Variants in NCAM1 observed in about 807,000 individuals in gnomAD.
The protein encoded by NCAM1 is antigen recognized by monoclonal antibody 5.1H11.
In NCAM1, 14 loss-of-function variants were observed where a neutral mutation model predicts 109.8. That is an observed-to-expected ratio of 0.13 (90% confidence interval 0.08 to 0.20). NCAM1 has a LOEUF of 0.20. Among genes scored for constraint, NCAM1 ranks in the 10% least tolerant of loss-of-function variants. The pLI is 1.00. For missense variants in NCAM1, 774 were observed against 1,109.9 expected (o/e 0.70, Z 4.30); for synonymous variants, 418 against 442.9 (o/e 0.94, Z 0.70).
intron 1 of NCAM1, among the ~76,000 whole-genome samples, chr11:113,199,690 G>A (rs896845823): frequency 4.0e-5 from 6 of 151,642 alleles, no homozygotes; most frequent in African/African-American, 1.5e-4. Context: ...GCTAAATGAC[G>A]AGTTAATGGG....
intron 16 of NCAM1, among the ~76,000 whole-genome samples, chr11:113,258,061 C>T (rs1403849750): frequency 6.6e-6 from 1 of 152,236 alleles, no homozygotes; most frequent in Admixed American, 6.5e-5. Flanking sequence ...CTCATCCAGC[C>T]TTAGCCATGG....
intron 1 of NCAM1, among the ~76,000 whole-genome samples, chr11:113,127,505 T>A (rs1591350011): frequency 6.6e-6 from 1 of 152,216 alleles, no homozygotes; most frequent in East Asian, 1.9e-4. Flanking sequence ...AAGATTATAA[T>A]GGAAGTATAA....
At chr11:113,220,998 T>C (rs1312495627) in intron 8 of NCAM1, among the ~76,000 whole-genome samples, 4 of 152,188 alleles carry the variant, frequency 2.6e-5, no homozygotes, top group Non-Finnish European at 5.9e-5. Flanking sequence ...TAAGGTATTT[T>C]GGAACAAGAG....
At position 113,095,315 on chromosome 11, in the gene NCAM1, C is replaced by CGTGTGTGTGTGT. The variant is rs147958488; in HGVS notation, c.53-107059_53-107048dup. ...GCACTGACCTTGCTGTAATAGAATG[C>CGTGTGTGTGTGT]GTGTGTGTGTGTGTGTATATGTATG... On this transcript the variant is annotated intron_variant, in intron 1 of 19. Coordinates refer to ENST00000316851, the MANE Select transcript of NCAM1 (RefSeq NM_181351.5). Among the ~76,000 whole-genome samples, 93 of 151,236 alleles carry CGTGTGTGTGTGT rather than the reference C, an allele frequency of 6.1e-4. 1 individual carries two copies. The East Asian group carries it at 7.4e-3, about 12-fold the overall frequency.
intron 1 of NCAM1, among the ~76,000 whole-genome samples, chr11:113,022,771 C>G (rs55677027): frequency 3.9e-5 from 6 of 152,128 alleles, no homozygotes; most frequent in African/African-American, 1.4e-4. Context: ...ACCATGTGAT[C>G]GGGGAACCAG....
intron 7 of NCAM1, among the ~76,000 whole-genome samples, 199 bp downstream of exon 7, chr11:113,208,201 TG>T (rs1555113214): frequency 6.6e-6 from 1 of 152,206 alleles, no homozygotes; most frequent in Non-Finnish European, 1.5e-5. Flanking sequence ...GTCTCATAGC[TG>T]GCCTCCCCGA....
At chr11:113,180,731 C>T (rs782475194) in intron 1 of NCAM1, among the ~76,000 whole-genome samples, 1 of 152,234 alleles carries the variant, frequency 6.6e-6, no homozygotes, top group East Asian at 1.9e-4. Context: ...TGGCATAGTA[C>T]AAGAGAAAGG....
At chr11:112,981,888 T>C (rs1198933155) in intron 1 of NCAM1, among the ~76,000 whole-genome samples, 3 of 151,932 alleles carry the variant, frequency 2.0e-5, no homozygotes, top group African/African-American at 7.2e-5. Context: ...TCAAATAAAA[T>C]TAGTTGTTGT....
intron 14 of NCAM1, among the ~76,000 whole-genome samples, chr11:113,236,034 G>A (rs1215001744): frequency 1.3e-5 from 2 of 152,168 alleles, no homozygotes; most frequent in Admixed American, 6.5e-5. Flanking sequence ...ATGCACCTGG[G>A]AGAATCCTTT....
intron 17 of NCAM1, chr11:113,265,127 G>A (rs1555124189): frequency 1.0e-6 from 1 of 985,358 alleles, no homozygotes; most frequent in Middle Eastern, 5.2e-4. Flanking sequence ...ACATTGTTGT[G>A]TAGATAATCA....
chr11:113,180,398 G>A (rs55799220), intron 1 of NCAM1, among the ~76,000 whole-genome samples: 1,663 of 152,360 alleles, frequency 0.011, 27 homozygotes, highest in African/African-American at 0.037. Flanking sequence ...TTCTTGGGAA[G>A]CATTAGCTGC....
At chr11:113,259,600 G>A (rs963604065) in intron 16 of NCAM1, among the ~76,000 whole-genome samples, 18 of 152,084 alleles carry the variant, frequency 1.2e-4, no homozygotes, top group Non-Finnish European at 1.9e-4. Flanking sequence ...ATGCCACACT[G>A]GCATCTGCTG....
chr11:113,013,904 T>C (rs554366549), intron 1 of NCAM1, among the ~76,000 whole-genome samples: 2 of 152,234 alleles, frequency 1.3e-5, no homozygotes, highest in Non-Finnish European at 2.9e-5. Flanking sequence ...TTTGGCATAT[T>C]GCCCAAGATT....
intron 1 of NCAM1, among the ~76,000 whole-genome samples, chr11:113,105,709 A>G (rs1342048585): frequency 3.9e-5 from 6 of 152,234 alleles, no homozygotes; most frequent in Non-Finnish European, 8.8e-5. Context: ...GATGTCCATA[A>G]TAGGCTACTC....
chr11:112,979,604 C>T (rs1251827930), intron 1 of NCAM1, among the ~76,000 whole-genome samples: 2 of 151,692 alleles, frequency 1.3e-5, no homozygotes, highest in Admixed American at 6.6e-5. Context: ...TGACTCAGGT[C>T]GACTGGAATC....
chr11:113,208,180 G>T (rs1440496866), intron 7 of NCAM1, among the ~76,000 whole-genome samples, 178 bp downstream of exon 7: 2 of 152,080 alleles, frequency 1.3e-5, no homozygotes, highest in Admixed American at 1.3e-4. Context: ...CCTCACCTGA[G>T]CAGTGGGACG....
At chr11:113,053,673 C>T (rs1436563703) in intron 1 of NCAM1, among the ~76,000 whole-genome samples, 1 of 152,148 alleles carries the variant, frequency 6.6e-6, no homozygotes, top group Non-Finnish European at 1.5e-5. Flanking sequence ...CTAAACTTTT[C>T]CCAGTACGAA....
intron 16 of NCAM1, among the ~76,000 whole-genome samples, chr11:113,258,687 G>A (rs1461638005): frequency 6.6e-6 from 1 of 152,064 alleles, no homozygotes; most frequent in Admixed American, 6.5e-5. Context: ...TTAAGGTGAT[G>A]GATATTTCAA....
intron 1 of NCAM1, among the ~76,000 whole-genome samples, chr11:112,977,981 T>C (rs561394090): frequency 5.8e-4 from 88 of 151,870 alleles, no homozygotes; most frequent in Non-Finnish European, 9.7e-4. Flanking sequence ...GGAGAATTAG[T>C]GCAGTGTTTT....
Sources: gnomAD v4.1 joint callset for allele counts (sites outside exome capture counted in the v4.1 genomes callset) on GRCh38, gnomAD v4.1.1 for gene constraint, MANE v1.5 for transcripts, NCBI Gene and HGNC (gene_info 2026-07-23, HGNC 2026-07-21) for gene names.